NEGR1: variants seen among roughly 807,000 people sequenced by gnomAD.
NEGR1 encodes the protein neuronal growth regulator 1.
In NEGR1, 10 loss-of-function variants were observed where a neutral mutation model predicts 40.9. The ratio of observed to expected loss-of-function variants is 0.24; its 90% confidence interval spans 0.15 to 0.42. The LOEUF is 0.42. Among genes scored for constraint, NEGR1 ranks in the 10% least tolerant of loss-of-function variants. The probability of loss-of-function intolerance (pLI) is 1.00; values close to 1 mark genes in which losing one functional copy is unlikely to be tolerated. For missense variants in NEGR1, 352 were observed against 438.9 expected, an observed-to-expected ratio of 0.80 and a Z score of 1.77; for synonymous variants, 185 against 166.8, an observed-to-expected ratio of 1.11 and a Z score of -0.84.
intron 1 of NEGR1, among the ~76,000 whole-genome samples, chr1:72,230,832 G>A (rs1654340256): frequency 6.6e-6 from 1 of 152,070 alleles, no homozygotes; most frequent in Non-Finnish European, 1.5e-5. Context: ...AAATAATACT[G>A]ATTCTGGAAC....
At chr1:71,629,361 C>A (rs1458550040) in intron 4 of NEGR1, among the ~76,000 whole-genome samples, 1 of 151,910 alleles carries the variant, frequency 6.6e-6, no homozygotes, top group Non-Finnish European at 1.5e-5. Context: ...TTCTTCCTAT[C>A]CATGAGCATG....
At chr1:72,239,730 A>G (rs1654673220) in intron 1 of NEGR1, among the ~76,000 whole-genome samples, 1 of 151,748 alleles carries the variant, frequency 6.6e-6, no homozygotes. Flanking sequence ...TGCCTTCTAG[A>G]AGGAATACTA....
At chr1:72,074,656 A>C (rs1647642430) in intron 1 of NEGR1, among the ~76,000 whole-genome samples, 1 of 152,168 alleles carries the variant, frequency 6.6e-6, no homozygotes, top group South Asian at 2.1e-4. Context: ...ATACCTATTC[A>C]AAAACTGTGA....
At chr1:71,486,909 T>C (rs1646891325) in intron 6 of NEGR1, 2 of 151,572 alleles carry the variant, frequency 1.3e-5, no homozygotes, top group African/African-American at 4.8e-5. Flanking sequence ...CTTGTTCCTC[T>C]CACAGTGTTC....
chr1:71,520,164 C>A (rs757904795), intron 6 of NEGR1, among the ~76,000 whole-genome samples: 3 of 152,034 alleles, frequency 2.0e-5, no homozygotes, highest in Non-Finnish European at 4.4e-5. Context: ...GCTTCAGATT[C>A]TTCTGTAAAT....
At chr1:71,558,722 C>CTTTTTTTTTT (rs34141206) in intron 6 of NEGR1, among the ~76,000 whole-genome samples, 1 of 134,312 alleles carries the variant, frequency 7.4e-6, no homozygotes, top group Non-Finnish European at 1.6e-5. Flanking sequence ...TCTTTTCTTT[C>CTTTTTTTTTT]TTTTTTTTTT....
rs747087991 is a variant in NEGR1 at position 71,683,968 on chromosome 1, G to A, written c.667+14040C>T. On this transcript the variant is annotated intron_variant, in intron 4 of 6. Coordinates refer to ENST00000357731, the MANE Select transcript of NEGR1 (RefSeq NM_173808.3). ...AGATGAACAATGTTTACTGTCTGAG[G>A]ATACAAGATTTAAAATGCGGGGCTG... Among the ~76,000 whole-genome samples the A allele has an allele frequency of 2.0e-5, 3 of 152,006 alleles. 1 individual carries two copies. The highest frequency in any genetic ancestry group is 2.9e-5 in the Non-Finnish European group (2 of 67,972).
intron 6 of NEGR1, among the ~76,000 whole-genome samples, chr1:71,526,056 C>A (rs1337743404): frequency 1.3e-5 from 2 of 151,496 alleles, no homozygotes; most frequent in Non-Finnish European, 3.0e-5. Context: ...GATTAGAAAG[C>A]ACCTACTTTT....
chr1:71,744,542 G>A lies in NEGR1; in HGVS notation c.535+31630C>T, dbSNP rs573268919. 1.5e-3 allele frequency among the ~76,000 whole-genome samples: 235 copies of A among 151,908 alleles called. 2 individuals are homozygous for A. The highest frequency in any genetic ancestry group is 2.9e-3 in the African/African-American group (120 of 41,442). On this transcript the variant is annotated intron_variant, in intron 3 of 6. Transcript: ENST00000357731. ...CCGTTAGAATAACTGGCCTAGTATC[G>A]TGTCTACTCAGTTCCCTTTTAAGAT...
intron 1 of NEGR1, among the ~76,000 whole-genome samples, chr1:72,247,930 T>C (rs1654953972): frequency 6.6e-6 from 1 of 152,018 alleles, no homozygotes; most frequent in Admixed American, 6.6e-5. Flanking sequence ...TGGGGAGGCA[T>C]CGGGAAGCTT....
rs191848211 is a variant in NEGR1, at chr1:72,139,525, T to G, written c.176+142794A>C. Among the ~76,000 whole-genome samples the G allele has an allele frequency of 2.4e-3, 366 of 152,114 alleles. 1 individual carries two copies. Among genetic ancestry groups the G allele is most frequent in the African/African-American group, 8.4e-3 (348 of 41,532 alleles). ...TAAGAACAAATTTATGCCAACAAAT[T>G]TAACAAGTTTGATGAAATGAATTAA... On this transcript the variant is annotated intron_variant, in intron 1 of 6. Transcript: ENST00000357731.
chr1:72,271,497 T>C (rs558110119), intron 1 of NEGR1, among the ~76,000 whole-genome samples: 2 of 151,994 alleles, frequency 1.3e-5, no homozygotes, highest in East Asian at 1.9e-4. Flanking sequence ...ATATATAATA[T>C]CCTTCTGTGA....
rs539324320 is a variant in NEGR1, at chr1:71,771,564, G to A, written c.535+4608C>T. On this transcript the variant is annotated intron_variant, in intron 3 of 6. Transcript: ENST00000357731. ...AAAAGTACAAAATTAGCCAGGCATG[G>A]TGGCGCATGCCTGTAATCCCAGCTA... is the stretch of plus-strand genomic sequence containing the variant. Among the ~76,000 whole-genome samples the A allele has an allele frequency of 9.9e-5, 15 of 151,928 alleles. No homozygotes were observed. The East Asian group carries it at 2.3e-3, about 24-fold the overall frequency.
chr1:71,454,980 G>A (rs925267680), intron 6 of NEGR1, among the ~76,000 whole-genome samples: 2 of 152,136 alleles, frequency 1.3e-5, no homozygotes, highest in Admixed American at 6.5e-5. Context: ...TGGCCAGGCA[G>A]ATCCCACGGC....
chr1:71,972,394 T>C (rs938546418), intron 1 of NEGR1, among the ~76,000 whole-genome samples: 5 of 152,184 alleles, frequency 3.3e-5, no homozygotes, highest in Non-Finnish European at 4.4e-5. Flanking sequence ...TAATGAAAAG[T>C]AGAAACTAAA....
chr1:72,013,951 C>T (rs1404563567), intron 1 of NEGR1, among the ~76,000 whole-genome samples: 3 of 117,858 alleles, frequency 2.5e-5, no homozygotes, highest in African/African-American at 1.0e-4. Context: ...CCAAGAGATG[C>T]TCTGTGAAAA....
chr1:71,919,592 G>A (rs1645681888), intron 2 of NEGR1, among the ~76,000 whole-genome samples: 1 of 148,486 alleles, frequency 6.7e-6, no homozygotes, highest in Non-Finnish European at 1.5e-5. Flanking sequence ...ACCAAATTTT[G>A]CATATACTCT....
intron 6 of NEGR1, among the ~76,000 whole-genome samples, chr1:71,438,909 A>C (rs1319367762): frequency 1.3e-5 from 2 of 152,194 alleles, no homozygotes; most frequent in Non-Finnish European, 2.9e-5. Context: ...CAGGAGGAGC[A>C]AGCTATACTG....
intron 1 of NEGR1, among the ~76,000 whole-genome samples, chr1:72,117,829 T>C (rs1365350931): frequency 6.6e-6 from 1 of 151,832 alleles, no homozygotes. Flanking sequence ...CAAGGTATTT[T>C]TGATCCTCAA....
Sources: gnomAD v4.1 joint callset for allele counts (sites outside exome capture counted in the v4.1 genomes callset) on GRCh38, gnomAD v4.1.1 for gene constraint, MANE v1.5 for transcripts, NCBI Gene and HGNC (gene_info 2026-07-23, HGNC 2026-07-21) for gene names.